The following NFIB variants were observed in gnomAD, a reference collection of about 807,000 sequenced individuals.
NFIB encodes the protein nuclear factor 1 B-type.
A neutral mutation model predicts 61.5 loss-of-function variants in NFIB; 11 were observed. The ratio of observed to expected loss-of-function variants is 0.18; its 90% confidence interval spans 0.11 to 0.30. NFIB has a LOEUF of 0.30. NFIB is among the 10% of genes least tolerant of loss of function. The probability of loss-of-function intolerance (pLI) is 1.00; values close to 1 mark genes in which losing one functional copy is unlikely to be tolerated. For synonymous variants in NFIB, 260 were observed against 216.5 expected (o/e 1.20, Z -1.76); for missense variants, 471 against 608.9 (o/e 0.77, Z 2.38).
At chr9:14,464,604 T>G in the NFIB span, among the ~76,000 whole-genome samples, 7 of 152,244 alleles carry the variant, frequency 4.6e-5, no homozygotes, top group African/African-American at 1.7e-4. Context: ...TAGCAAGGAA[T>G]TGGCCTCAGG....
At position 14,322,763 on chromosome 9, in the gene NFIB, G is replaced by T. The variant is rs542342599; in HGVS notation, c.109-15243C>A. Among the ~76,000 whole-genome samples the T allele has an allele frequency of 5.3e-4, 81 of 152,044 alleles. 1 individual carries two copies. The South Asian group carries it at 0.017, about 31-fold the overall frequency. On this transcript the variant is annotated intron_variant, in intron 1 of 8. Transcript: ENST00000380934. ...CCGAGTGGGTGTGGCGGCCTGCGCC[G>T]CGCGGCGCCCCTCTCGAGCGTGGGT...
the NFIB span, among the ~76,000 whole-genome samples, chr9:14,472,636 C>G: frequency 6.6e-6 from 1 of 152,098 alleles, no homozygotes; most frequent in South Asian, 2.1e-4. Flanking sequence ...GGTTAGGAGA[C>G]TGAAACCATC....
chr9:14,154,795 A>G (rs1306018841), intron 4 of NFIB, among the ~76,000 whole-genome samples: 8 of 152,190 alleles, frequency 5.3e-5, no homozygotes. Flanking sequence ...AATGTGAGCT[A>G]TTTGAGGAAC....
At chr9:14,157,194 G>C (rs1032184377) in intron 3 of NFIB, among the ~76,000 whole-genome samples, 2 of 152,158 alleles carry the variant, frequency 1.3e-5, no homozygotes, top group Non-Finnish European at 2.9e-5. Context: ...AGGGCCAGTG[G>C]AACCTGCGAT....
the NFIB span, among the ~76,000 whole-genome samples, chr9:14,492,395 T>A: frequency 1.3e-5 from 2 of 151,180 alleles, no homozygotes; most frequent in Admixed American, 6.6e-5. Flanking sequence ...AATAAATATT[T>A]AAAAAATAAA....
chr9:14,390,881 T>C (rs533112673), intron 1 of NFIB, among the ~76,000 whole-genome samples: 6 of 152,300 alleles, frequency 3.9e-5, no homozygotes, highest in Non-Finnish European at 8.8e-5. Context: ...ACCTAGTCTA[T>C]GGTATTCTAT....
chr9:14,093,037 G>A (rs905424192), intron 10 of NFIB, among the ~76,000 whole-genome samples: 7 of 151,774 alleles, frequency 4.6e-5, no homozygotes, highest in Non-Finnish European at 1.5e-5. Flanking sequence ...AAAAAGAATT[G>A]GGCCCTTACC....
At chr9:14,306,065 C>A in intron 2 of NFIB, 2 of 743,156 alleles carry the variant, frequency 2.7e-6, no homozygotes, top group Non-Finnish European at 4.1e-6. Flanking sequence ...ATAAACATTT[C>A]ATTAACTCAA....
At chr9:14,109,736 T>C (rs1338328431) in intron 10 of NFIB, among the ~76,000 whole-genome samples, 1 of 152,106 alleles carries the variant, frequency 6.6e-6, no homozygotes, top group African/African-American at 2.4e-5. Context: ...CTGACTATTG[T>C]GACTGATTAG....
chr9:14,445,740 G>C, the NFIB span, among the ~76,000 whole-genome samples: 1 of 152,026 alleles, frequency 6.6e-6, no homozygotes, highest in Admixed American at 6.6e-5. Flanking sequence ...ATTTTGTTTA[G>C]GATTTATGCT....
chr9:14,316,698 G>A (rs1335901536), upstream of NFIB, among the ~76,000 whole-genome samples: 1 of 152,000 alleles, frequency 6.6e-6, no homozygotes, highest in Admixed American at 6.5e-5. Context: ...CACACACAGA[G>A]AAACCACCAG....
chr9:14,336,663 C>A (rs1236262462), intron 1 of NFIB, among the ~76,000 whole-genome samples: 2 of 152,236 alleles, frequency 1.3e-5, no homozygotes, highest in Non-Finnish European at 2.9e-5. Context: ...GGGCATGGAC[C>A]TGCGCAGTGG....
chr9:14,366,374 T>G (rs1482635947), intron 1 of NFIB, among the ~76,000 whole-genome samples: 2 of 152,230 alleles, frequency 1.3e-5, no homozygotes, highest in Non-Finnish European at 1.5e-5. Flanking sequence ...AATAAAACTC[T>G]CCAGATTTAT....
the NFIB span, among the ~76,000 whole-genome samples, chr9:14,473,542 T>C: frequency 1.3e-5 from 2 of 152,170 alleles, no homozygotes; most frequent in African/African-American, 2.4e-5. Flanking sequence ...CACCACTGTG[T>C]TGCTTCTCAA....
intron 1 of NFIB, among the ~76,000 whole-genome samples, chr9:14,383,502 G>A (rs1041345247): frequency 9.9e-5 from 15 of 152,218 alleles, no homozygotes; most frequent in African/African-American, 3.6e-4. Context: ...TGCATGATGA[G>A]TGTGGGTAAA....
intron 2 of NFIB, among the ~76,000 whole-genome samples, chr9:14,272,650 A>G (rs963688847): frequency 7.1e-6 from 1 of 140,114 alleles, no homozygotes; most frequent in Non-Finnish European, 1.5e-5. Flanking sequence ...TTCTACCTCC[A>G]GGAAAGTCAT....
chr9:14,262,473 T>A (rs1035716997), intron 2 of NFIB, among the ~76,000 whole-genome samples: 2 of 152,218 alleles, frequency 1.3e-5, no homozygotes, highest in Non-Finnish European at 2.9e-5. Flanking sequence ...CATTTTTGAC[T>A]GATCCAAATT....
rs188828416 is a variant in NFIB at position 14,234,910 on chromosome 9, G to T, written c.563-55130C>A. Among the ~76,000 whole-genome samples the T allele has an allele frequency of 5.3e-5, 8 of 149,992 alleles. No homozygotes were observed. In the South Asian group the frequency reaches 1.0e-3, roughly 20 times the overall value. On this transcript the variant is annotated intron_variant, in intron 2 of 10. Coordinates refer to ENST00000380953, the MANE Select transcript of NFIB (RefSeq NM_001190737.2). ...GAGGTGAAATCACTGGATCAACCAG[G>T]GGACAAAAAAAAATAGCTTCACATA...
chr9:14,473,099 T>C, the NFIB span, among the ~76,000 whole-genome samples: 4 of 152,210 alleles, frequency 2.6e-5, no homozygotes, highest in South Asian at 2.1e-4. Context: ...GGGGGTTTTA[T>C]AGTTCTAGAG....
Sources: allele counts gnomAD v4.1 joint callset (sites outside exome capture counted in the v4.1 genomes callset), GRCh38; gene constraint gnomAD v4.1.1; transcripts MANE v1.5; gene names NCBI Gene and HGNC (gene_info 2026-07-23, HGNC 2026-07-21).